The following ANKRD16 variants were observed in gnomAD, a reference collection of about 807,000 sequenced individuals.
ANKRD16 encodes ankyrin repeat domain 16.
In ANKRD16, 35 loss-of-function variants were observed where a neutral mutation model predicts 37.9. The ratio of observed to expected loss-of-function variants is 0.92; its 90% CI spans 0.71 to 1.23. The LOEUF is 1.23. Among genes scored for constraint, ANKRD16 ranks in the 50% most tolerant of loss-of-function variants. ANKRD16 has a pLI of 0.00. For missense variants in ANKRD16, 480 were observed against 469.9 expected (o/e 1.02, Z -0.20); for synonymous variants, 206 against 197.2 (o/e 1.04, Z -0.37).
chr10:5,885,809 C>T, intron 2 of ANKRD16, 44 bp from the exon 3 acceptor site: 1 of 1,575,086 alleles, frequency 6.3e-7, no homozygotes, highest in South Asian at 1.2e-5. Context: ...TTTTAGTGCA[C>T]ACACAAAATG....
chr10:5,889,203 T>A lies in ANKRD16; in HGVS notation c.152A>T (p.Asp51Val). Residue 51 changes from aspartate (D) to valine (V), a missense_variant, in exon 1 of 8, where the codon GAC (aspartate) becomes GTC (valine). Transcript: ENST00000380094. ...LHCAARHGHR[D>V]VLAYLAEAWG... ...GGCCTCGGCCAGATAGGCCAGCACGTCCCGATGCCCGTGGCGCGCGGCGCA... is the reference window on the plus strand; with the variant it reads ...GGCCTCGGCCAGATAGGCCAGCACGACCCGATGCCCGTGGCGCGCGGCGCA... 6.3e-7 allele frequency: 1 copy of A among 1,595,228 alleles called. No homozygotes were observed. The highest frequency in any genetic ancestry group is 1.3e-5 in the African/African-American group (1 of 74,656).
Position 5,868,644 on chromosome 10 carries a change from C to T in ANKRD16, c.*34-5953G>A, listed in dbSNP as rs532831121. Among the ~76,000 whole-genome samples, 4 of 152,274 alleles carry T rather than the reference C, an allele frequency of 2.6e-5. No homozygotes were observed. Among genetic ancestry groups the T allele is most frequent in the South Asian group, 4.1e-4 (2 of 4,824 alleles). ...AAAGCTGGCCACCCCCAGCCAGCAG[C>T]GGCAACCCACTCGGGTCCCCTTCCA... On this transcript the variant is annotated intron_variant, in intron 7 of 7. Coordinates refer to ENST00000380094, the MANE Select transcript of ANKRD16 (RefSeq NM_019046.3). This position sits in a 1 kb window ranked among gnomAD's most constrained non-coding sequence, Gnocchi z 4.9.
chr10:5,872,146 T>C (rs1178243793), intron 7 of ANKRD16, among the ~76,000 whole-genome samples: 5 of 149,178 alleles, frequency 3.4e-5, no homozygotes, highest in African/African-American at 1.2e-4. Flanking sequence ...AAACACGACA[T>C]TCACAAAGTT....
Position 5,870,342 on chromosome 10 carries a change from C to T in ANKRD16, c.*34-7651G>A, listed in dbSNP as rs1842068359. Among the ~76,000 whole-genome samples the T allele has an allele frequency of 6.6e-6, 1 of 151,828 alleles. No homozygotes were observed. Among genetic ancestry groups the T allele is most frequent in the South Asian group, 2.1e-4 (1 of 4,818 alleles). ...CCGCACAGTGAGGTCAGCGTTGGCT[C>T]TTGGCCTCTCTTCCCTGCGACTCTG... On this transcript the variant is annotated intron_variant, in intron 7 of 7. Transcript: ENST00000380094. This position sits in a 1 kb window ranked among gnomAD's most constrained non-coding sequence, Gnocchi z 5.0.
rs1589023941 is a variant in ANKRD16, at chr10:5,883,140, C to G, written c.715G>C (p.Gly239Arg). 1 of 1,613,896 alleles carries G rather than the reference C, an allele frequency of 6.2e-7. No individual in the cohort carries two copies. Among genetic ancestry groups the G allele is most frequent in the Non-Finnish European group, 8.5e-7 (1 of 1,180,020 alleles). Residue 239 changes from glycine (G) to arginine (R), a missense_variant, in exon 5 of 8, where the codon GGT (glycine) becomes CGT (arginine). Gly to Arg is a moderately radical substitution (Grantham distance 125). Coordinates refer to ENST00000380094, the MANE Select transcript of ANKRD16 (RefSeq NM_019046.3). Reference sequence around the variant, plus strand: ...GCTGCCCTGTGCAGAGCCTGGGCACCCAGGCTGTCTTCTGCTGAAAGGCAA... The same window carrying G: ...GCTGCCCTGTGCAGAGCCTGGGCACGCAGGCTGTCTTCTGCTGAAAGGCAA... ...GACLSAEDSL[G>R]AQALHRAAVT...
In ANKRD16 at chr10:5,863,919, C is replaced by A. The variant is rs1031255611; in HGVS notation, c.*34-1228G>T. Among the ~76,000 whole-genome samples the A allele has an allele frequency of 1.1e-4, 17 of 152,100 alleles. No individual in the cohort carries two copies. The highest frequency in any genetic ancestry group is 9.8e-4 in the Admixed American group (15 of 15,268). ...ACATTTTGGCGACCCAGATGGGAAA[C>A]ACTCAGGCATCAACAGGCTCACCCT... On this transcript the variant is annotated intron_variant, in intron 7 of 7. Transcript: ENST00000380094. This position sits in a 1 kb window ranked among gnomAD's most constrained non-coding sequence, Gnocchi z 4.7.
rs771630898 is a variant in ANKRD16 at position 5,878,138 on chromosome 10, T to C, written c.1078A>G (p.Met360Val). ...DVLQGSGHSA[M>V]T ...TCCTCTTGGAAACATCCTTATGTCATTGCGCTATGGCCAGAGCCCTGAAGG... is the reference window on the plus strand; with the variant it reads ...TCCTCTTGGAAACATCCTTATGTCACTGCGCTATGGCCAGAGCCCTGAAGG... The change falls in exon 7 of 8, where the codon ATG (methionine) becomes GTG (valine). Residue 360 changes from methionine to valine, a missense_variant. Physicochemically the swap from Met to Val is conservative, Grantham distance 21 (BLOSUM62 1). Coordinates refer to ENST00000380094, the MANE Select transcript of ANKRD16 (RefSeq NM_019046.3). This position sits in a 1 kb window ranked among gnomAD's most constrained non-coding sequence, Gnocchi z 5.1. 2.9e-5 allele frequency: 46 copies of C among 1,613,814 alleles called. 2 individuals carry two copies. The highest frequency in any genetic ancestry group is 2.0e-4 in the South Asian group (18 of 91,046).
chr10:5,884,992 T>G (rs1316883448), intron 3 of ANKRD16, among the ~76,000 whole-genome samples: 1 of 152,166 alleles, frequency 6.6e-6, no homozygotes, highest in Non-Finnish European at 1.5e-5. Context: ...TCTTTACTCT[T>G]AAGCCAAATT....
intron 3 of ANKRD16, 105 bp downstream of exon 3, chr10:5,885,618 C>T (rs1321871963): frequency 8.1e-6 from 10 of 1,232,906 alleles, no homozygotes; most frequent in Non-Finnish European, 1.1e-5. Context: ...TTTTGAAAGC[C>T]TAATTTTTTT....
Position 5,884,046 on chromosome 10 carries a change from A to T in ANKRD16, c.610T>A (p.Cys204Ser), listed in dbSNP as rs532352165. The change falls in exon 4 of 8, where the codon TGT becomes AGT. Residue 204 changes from cysteine (C) to serine (S), a missense_variant. Transcript: ENST00000380094. ...CQYEPDYRDN[C>S]GVTALMDAIQ... Reference sequence around the variant, plus strand: ...GCGTCCATCAAGGCGGTGACGCCACAGTTGTCTCTGTAGTCTGGTTCATAT... The same window carrying T: ...GCGTCCATCAAGGCGGTGACGCCACTGTTGTCTCTGTAGTCTGGTTCATAT... 15 of 1,614,156 alleles carry T rather than the reference A, an allele frequency of 9.3e-6. No homozygotes were observed. In the South Asian group the frequency reaches 1.4e-4, roughly 15 times the overall value.
At chr10:5,876,469 G>A (rs17145612) in intron 7 of ANKRD16, among the ~76,000 whole-genome samples, 3,313 of 152,290 alleles carry the variant, frequency 0.022, 90 homozygotes, top group East Asian at 0.1. Flanking sequence ...ACCTGTACAC[G>A]TGAAATAGCC....
At chr10:5,867,400 T>C (rs1305939532) in intron 7 of ANKRD16, among the ~76,000 whole-genome samples, 1 of 152,250 alleles carries the variant, frequency 6.6e-6, no homozygotes, top group African/African-American at 2.4e-5. Flanking sequence ...GAAAATTGCC[T>C]AATAATTGGT....
intron 7 of ANKRD16, among the ~76,000 whole-genome samples, chr10:5,873,438 T>C (rs536705399): frequency 6.6e-6 from 1 of 152,190 alleles, no homozygotes; most frequent in Non-Finnish European, 1.5e-5. Context: ...CCTCCCAAAG[T>C]GCTGGGATTA....
chr10:5,880,488 G>T, intron 5 of ANKRD16, 112 bp from the exon 6 acceptor site: 2 of 530,338 alleles, frequency 3.8e-6, no homozygotes, highest in Non-Finnish European at 6.4e-6. Flanking sequence ...TTTTGCCAAG[G>T]TTAAGGACAT....
chr10:5,870,392 C>A lies in ANKRD16; in HGVS notation c.*34-7701G>T, dbSNP rs1217005309. 6.6e-6 allele frequency among the ~76,000 whole-genome samples: 1 copy of A among 151,518 alleles called. No individual in the cohort carries two copies. Among genetic ancestry groups the A allele is most frequent in the Admixed American group, 6.6e-5 (1 of 15,228 alleles). On this transcript the variant is annotated intron_variant, in intron 7 of 7. Transcript: ENST00000380094. This position sits in a 1 kb window ranked among gnomAD's most constrained non-coding sequence, Gnocchi z 5.0. ...GCCCGGGCACCAGCCAGTCCTCATT[C>A]CCTCCCTACTGCTTTTTTTTTTTTT...
chr10:5,887,708 C>CCCCCG (rs1433532977), intron 2 of ANKRD16, 139 bp downstream of exon 2: 49 of 194,156 alleles, frequency 2.5e-4, no homozygotes, highest in African/African-American at 6.7e-4. Flanking sequence ...CCCTCCCCCC[C>CCCCCG]AGATGTTCTT....
At chr10:5,881,438 T>TTATAAAAAAA (rs1422263395) in intron 5 of ANKRD16, among the ~76,000 whole-genome samples, 2 of 51,024 alleles carry the variant, frequency 3.9e-5, no homozygotes, top group African/African-American at 7.4e-5. Flanking sequence ...AAAATATTAT[T>TTATAAAAAAA]TATATATATA....
chr10:5,880,270 C>A (rs758270852), intron 6 of ANKRD16, 28 bp downstream of exon 6: 1 of 1,320,144 alleles, frequency 7.6e-7, no homozygotes, highest in East Asian at 2.4e-5. Flanking sequence ...TTACTAATTT[C>A]CAAGGCATAT....
In ANKRD16 at chr10:5,862,341, G is replaced by T; in HGVS notation, c.*384C>A. 1 of 428,372 alleles carries T rather than the reference G, an allele frequency of 2.3e-6. No individual in the cohort carries two copies. The highest frequency in any genetic ancestry group is 1.7e-5 in the South Asian group (1 of 60,076). 26.5% of individuals were successfully genotyped at this position (428,372 alleles called of 1,614,324 possible). Reference sequence around the variant, plus strand: ...TTTGTGTTTCTTTCTTTCTGTCGGTGGTTCCTGAGGGTTGTGACGATCAGG... The same window carrying T: ...TTTGTGTTTCTTTCTTTCTGTCGGTTGTTCCTGAGGGTTGTGACGATCAGG... On this transcript the variant is annotated 3_prime_UTR_variant, in exon 8 of 8. Coordinates refer to ENST00000380094, the MANE Select transcript of ANKRD16 (RefSeq NM_019046.3). The surrounding 1 kb of genome is among the most constrained non-coding windows in gnomAD (Gnocchi z 6.5).
Sources: allele counts gnomAD v4.1 joint callset (sites outside exome capture counted in the v4.1 genomes callset), GRCh38; gene constraint gnomAD v4.1.1; non-coding constraint Gnocchi (gnomAD v3.1); transcripts MANE v1.5; gene names NCBI Gene and HGNC (gene_info 2026-07-23, HGNC 2026-07-21).